The following CHD1L variants were observed in gnomAD, a reference collection of about 807,000 sequenced individuals.
CHD1L encodes chromodomain helicase DNA binding protein 1 like.
CHD1L carries 118 observed loss-of-function variants against 115.9 expected under a neutral mutation model. That is an observed-to-expected ratio of 1.02 (90% CI 0.88 to 1.19). The LOEUF (loss-of-function observed/expected upper bound fraction) is 1.19. Among genes scored for constraint, CHD1L ranks in the 50% most tolerant of loss-of-function variants. The pLI is 0.00. For synonymous variants in CHD1L, 411 were observed against 387.1 expected (o/e 1.06, Z -0.72); for missense variants, 1,179 against 1,065.3 (o/e 1.11, Z -1.49).
chr1:147,202,847 C>T, the CHD1L span, among the ~76,000 whole-genome samples: 4 of 152,150 alleles, frequency 2.6e-5, no homozygotes, highest in African/African-American at 9.7e-5. Flanking sequence ...AGTTGCCCAA[C>T]CCACAAAACC....
At chr1:147,276,041 G>A in intron 13 of CHD1L, 63 bp from the exon 14 acceptor site, 2 of 1,507,994 alleles carry the variant, frequency 1.3e-6, no homozygotes, top group Non-Finnish European at 1.8e-6. Context: ...TATTTACCTT[G>A]CATACTTTTG....
the CHD1L span, among the ~76,000 whole-genome samples, chr1:147,231,840 T>C: frequency 6.6e-6 from 1 of 152,162 alleles, no homozygotes; most frequent in African/African-American, 2.4e-5. Flanking sequence ...GCCCCTTTCT[T>C]TGACTAGCAA....
At position 147,247,804 on chromosome 1, in the gene CHD1L, A is replaced by G. The variant is rs961895551; in HGVS notation, c.128-4819A>G. ...TTCCCAGCATCCAGAGGCTGCCCAC[A>G]TCACTTGACTCCTGGCCCCTTTCCT... On this transcript the variant is annotated intron_variant, in intron 1 of 22. Transcript: ENST00000369258. Among the ~76,000 whole-genome samples the G allele has an allele frequency of 5.9e-5, 9 of 152,138 alleles. No homozygotes were observed. In the South Asian group the frequency reaches 1.4e-3, roughly 25 times the overall value.
At chr1:147,267,353 A>T (rs1203438592) in intron 8 of CHD1L, 73 bp from the exon 9 acceptor site, 2 of 1,105,334 alleles carry the variant, frequency 1.8e-6, no homozygotes, top group Non-Finnish European at 2.7e-6. Flanking sequence ...ACTTGTAAAA[A>T]CTCAGGGTTT....
At chr1:147,277,964 T>C (rs1679170022) in intron 14 of CHD1L, among the ~76,000 whole-genome samples, 1 of 152,098 alleles carries the variant, frequency 6.6e-6, no homozygotes, top group South Asian at 2.1e-4. Flanking sequence ...GACACATCAC[T>C]GTGAAAGATG....
the CHD1L span, chr1:147,203,453 T>C: frequency 7.2e-6 from 6 of 835,712 alleles, no homozygotes; most frequent in Non-Finnish European, 1.3e-5. Flanking sequence ...AACATGTCCG[T>C]TACAGCAGGG....
chr1:147,243,341 A>G (rs1313803178), intron 1 of CHD1L, among the ~76,000 whole-genome samples: 2 of 151,670 alleles, frequency 1.3e-5, no homozygotes, highest in Admixed American at 6.6e-5. Context: ...TACGTGCGGT[A>G]GTGAGCGGAC....
chr1:147,285,696 A>T (rs1473986989), intron 17 of CHD1L, among the ~76,000 whole-genome samples: 1 of 152,016 alleles, frequency 6.6e-6, no homozygotes, highest in East Asian at 1.9e-4. Flanking sequence ...TTAAAACCAG[A>T]ATTGTTTTCT....
intron 9 of CHD1L, among the ~76,000 whole-genome samples, 155 bp from the exon 10 acceptor site, chr1:147,268,627 G>A (rs1674905809): frequency 6.6e-6 from 1 of 152,196 alleles, no homozygotes; most frequent in Admixed American, 6.5e-5. Context: ...CTTGTTGGAT[G>A]TGCTAGGCTG....
At chr1:147,204,027 G>C in the CHD1L span, 1 of 1,192,134 alleles carries the variant, frequency 8.4e-7, no homozygotes. Flanking sequence ...TTTGCATAAT[G>C]AAGAGCCATG....
rs376886286 is a variant in CHD1L at position 147,286,085 on chromosome 1, A to C, written c.2019-213A>C. ...CTCTTTTAGTCTTAAAAACAGGAAC[A>C]TTCAGGGAGTGCTCATTATTGAATT... On this transcript the variant is annotated intron_variant, in intron 17 of 22. Coordinates refer to ENST00000369258, the MANE Select transcript of CHD1L (RefSeq NM_004284.6). Among the ~76,000 whole-genome samples, 6 of 152,216 alleles carry C rather than the reference A, an allele frequency of 3.9e-5. No individual in the cohort carries two copies. In the South Asian group the frequency reaches 6.2e-4, roughly 16 times the overall value.
intron 4 of CHD1L, among the ~76,000 whole-genome samples, chr1:147,256,194 A>C (rs1670087528): frequency 6.6e-6 from 1 of 152,170 alleles, no homozygotes; most frequent in African/African-American, 2.4e-5. Context: ...TGGTTGATGA[A>C]CAGAAGTCAG....
At chr1:147,294,976 A>G (rs1559924468) in intron 22 of CHD1L, among the ~76,000 whole-genome samples, 1 of 152,244 alleles carries the variant, frequency 6.6e-6, no homozygotes, top group African/African-American at 2.4e-5. Context: ...TATTTTAACC[A>G]TGAAGTCATG....
chr1:147,255,283 A>G (rs1669717951), intron 3 of CHD1L, among the ~76,000 whole-genome samples: 1 of 152,200 alleles, frequency 6.6e-6, no homozygotes, highest in South Asian at 2.1e-4. Flanking sequence ...GCTGAAGTGC[A>G]ATGGCACGAT....
chr1:147,267,659 C>A (rs1372045281), intron 9 of CHD1L, 141 bp downstream of exon 9: 1 of 622,180 alleles, frequency 1.6e-6, no homozygotes, highest in African/African-American at 1.9e-5. Flanking sequence ...GGTATTAACT[C>A]ATATATTCAT....
At chr1:147,209,056 G>C in the CHD1L span, 1 of 1,611,022 alleles carries the variant, frequency 6.2e-7, no homozygotes, top group Non-Finnish European at 8.5e-7. Context: ...GAAAACCTGG[G>C]GCATGGAAGA....
At chr1:147,210,930 C>T in the CHD1L span, 1 of 151,996 alleles carries the variant, frequency 6.6e-6, no homozygotes, top group Admixed American at 6.6e-5. Flanking sequence ...AAAGCATCTA[C>T]AAGAATTATA....
chr1:147,275,782 T>TAAAAAA (rs1344302937), intron 13 of CHD1L, among the ~76,000 whole-genome samples: 1,802 of 139,346 alleles, frequency 0.013, 36 homozygotes, highest in African/African-American at 0.046. Context: ...GGAGCTAAGC[T>TAAAAAA]AAAAAAAAAA....
the CHD1L span, chr1:147,204,023 T>C: frequency 8.4e-7 from 1 of 1,192,570 alleles, no homozygotes; most frequent in Non-Finnish European, 1.3e-6. Flanking sequence ...TTTGTTTGCA[T>C]AATGAAGAGC....
Sources: gnomAD v4.1 joint callset for allele counts (sites outside exome capture counted in the v4.1 genomes callset) on GRCh38, gnomAD v4.1.1 for gene constraint, MANE v1.5 for transcripts, NCBI Gene and HGNC (gene_info 2026-07-23, HGNC 2026-07-21) for gene names.